The following ZNF618 variants were observed in gnomAD, a reference collection of about 807,000 sequenced individuals.
ZNF618 encodes the protein zinc finger protein 618.
A neutral mutation model predicts 103.0 loss-of-function variants in ZNF618; 34 were observed. The observed-to-expected ratio is 0.33, with a 90% CI of 0.25 to 0.44. ZNF618 has a LOEUF of 0.44. Among genes scored for constraint, ZNF618 ranks in the 20% least tolerant of loss-of-function variants. ZNF618 has a pLI of 1.00. For synonymous variants in ZNF618, 551 were observed against 542.2 expected (o/e 1.02, Z -0.23); for missense variants, 1,059 against 1,295.4 (o/e 0.82, Z 2.80).
At chr9:113,932,901 T>C (rs1833725798) in intron 1 of ZNF618, among the ~76,000 whole-genome samples, 1 of 152,146 alleles carries the variant, frequency 6.6e-6, no homozygotes, top group African/African-American at 2.4e-5. Flanking sequence ...GAATATTAAA[T>C]TGCTGGATCA....
At chr9:113,942,950 C>A (rs1834682588) in intron 1 of ZNF618, among the ~76,000 whole-genome samples, 2 of 152,142 alleles carry the variant, frequency 1.3e-5, no homozygotes. Flanking sequence ...TTTTTAGCCT[C>A]TAAGGTAACT....
At chr9:113,902,312 G>A (rs578211194) in intron 1 of ZNF618, among the ~76,000 whole-genome samples, 1 of 152,316 alleles carries the variant, frequency 6.6e-6, no homozygotes, top group East Asian at 1.9e-4. Context: ...TAAACACTCA[G>A]CACATAGTAA....
At chr9:113,934,554 C>G (rs1349519428) in intron 1 of ZNF618, among the ~76,000 whole-genome samples, 1 of 152,198 alleles carries the variant, frequency 6.6e-6, no homozygotes, top group Non-Finnish European at 1.5e-5. Context: ...GCACATCTGT[C>G]CTTACATGGG....
intron 1 of ZNF618, among the ~76,000 whole-genome samples, chr9:113,906,691 T>A (rs1379517236): frequency 6.6e-6 from 1 of 152,236 alleles, no homozygotes; most frequent in Non-Finnish European, 1.5e-5. Context: ...CCTAGCAAAG[T>A]GAGGATTCTT....
intron 13 of ZNF618, among the ~76,000 whole-genome samples, chr9:114,046,593 G>A (rs963808981): frequency 5.9e-5 from 9 of 152,220 alleles, no homozygotes; most frequent in Non-Finnish European, 1.2e-4. Flanking sequence ...GAGAGTGAGA[G>A]TGAACATTCT....
At chr9:114,003,492 A>G (rs1841447885) in intron 6 of ZNF618, among the ~76,000 whole-genome samples, 1 of 152,248 alleles carries the variant, frequency 6.6e-6, no homozygotes, top group Admixed American at 6.5e-5. Flanking sequence ...TGGAGAAGTA[A>G]GTCTAGTGAC....
At chr9:113,891,140 G>C (rs1011464842) in intron 1 of ZNF618, among the ~76,000 whole-genome samples, 1 of 152,016 alleles carries the variant, frequency 6.6e-6, no homozygotes, top group African/African-American at 2.4e-5. Context: ...TGGATTCTTC[G>C]TGTGTATGTG....
At chr9:113,995,907 G>A (rs1168684052) in intron 3 of ZNF618, among the ~76,000 whole-genome samples, 1 of 152,168 alleles carries the variant, frequency 6.6e-6, no homozygotes, top group African/African-American at 2.4e-5. Flanking sequence ...TGTTTGTAAC[G>A]TGGCACAAGG....
At chr9:114,019,731 T>A (rs1291148204) in intron 10 of ZNF618, among the ~76,000 whole-genome samples, 1 of 152,250 alleles carries the variant, frequency 6.6e-6, no homozygotes, top group East Asian at 1.9e-4. Flanking sequence ...TCTTTCTATA[T>A]TCCAGTAGGC....
At chr9:113,965,013 G>C (rs975336682) in intron 1 of ZNF618, among the ~76,000 whole-genome samples, 3 of 133,460 alleles carry the variant, frequency 2.2e-5, no homozygotes, top group South Asian at 4.7e-4. Context: ...AAAAAAAAAT[G>C]TAATCATATA....
intron 1 of ZNF618, among the ~76,000 whole-genome samples, chr9:113,925,603 C>A (rs73552388): frequency 8.2e-4 from 125 of 152,014 alleles, no homozygotes; most frequent in African/African-American, 2.8e-3. Flanking sequence ...GTCTTCCATT[C>A]TTTTTCTCCC....
At chr9:113,893,061 GCTCA>G (rs1322478761) in intron 1 of ZNF618, among the ~76,000 whole-genome samples, 1 of 152,230 alleles carries the variant, frequency 6.6e-6, no homozygotes, top group Admixed American at 6.5e-5. Context: ...TGCCTGCTGT[GCTCA>G]CTAAGTTGGG....
chr9:113,939,276 TTTTGTTTGTTG>T (rs1234787400), intron 1 of ZNF618, among the ~76,000 whole-genome samples: 4 of 151,968 alleles, frequency 2.6e-5, no homozygotes, highest in African/African-American at 9.7e-5. Flanking sequence ...TCAGTGGTTT[TTTTGTTTGTTG>T]TTTGTTTGTT....
At position 114,049,332 on chromosome 9, in the gene ZNF618, T is replaced by C; in HGVS notation, c.2030T>C (p.Leu677Pro). The change falls in exon 15 of 15, where the codon CTG (leucine) becomes CCG (proline). Residue 677 changes from leucine to proline, a missense_variant. Leu to Pro is a moderately conservative substitution (Grantham distance 98). Around this residue, in one of 6 missense-constraint regions of ZNF618, gnomAD observed 272 missense variants for 380.1 expected, o/e 0.72. Coordinates refer to ENST00000374126, the MANE Select transcript of ZNF618 (RefSeq NM_001318042.2). The stretch of plus-strand genomic sequence containing the variant: ...GAGGACCTGGCGGGCTCCACGGGCC[T>C]GGCCAAGGAGACCTTCGGGTCGCTG... ...VCEDLAGSTG[L>P]AKETFGSLEE... 1 of 1,611,552 alleles carries C rather than the reference T, an allele frequency of 6.2e-7. No individual in the cohort carries two copies. Among genetic ancestry groups the C allele is most frequent in the African/African-American group, 1.3e-5 (1 of 75,010 alleles).
At position 113,983,019 on chromosome 9, in the gene ZNF618, G is replaced by A. The variant is rs149453103; in HGVS notation, c.78-5302G>A. Among the ~76,000 whole-genome samples the A allele has an allele frequency of 4.4e-3, 665 of 152,244 alleles. 2 individuals carry two copies. Among genetic ancestry groups the A allele is most frequent in the Admixed American group, 8.0e-3 (122 of 15,298 alleles). On this transcript the variant is annotated intron_variant, in intron 2 of 14. Transcript: ENST00000374126. ...ACTCGGGTTAAATATAAAATTCATA[G>A]CATATCTTGAGCAACTATTTTGTAG... is the stretch of plus-strand genomic sequence containing the variant.
At chr9:114,029,122 T>C in intron 11 of ZNF618, 150 bp downstream of exon 11, 1 of 1,180,352 alleles carries the variant, frequency 8.5e-7, no homozygotes. Flanking sequence ...CAGCTCTGCC[T>C]CTGGCTGGCT....
chr9:114,019,401 T>C (rs563505438), intron 10 of ZNF618, among the ~76,000 whole-genome samples: 3 of 152,188 alleles, frequency 2.0e-5, no homozygotes, highest in African/African-American at 7.2e-5. Context: ...ATGTTTAACT[T>C]TTTAATAAGT....
At chr9:113,917,773 C>T (rs190162022) in intron 1 of ZNF618, among the ~76,000 whole-genome samples, 5 of 152,204 alleles carry the variant, frequency 3.3e-5, no homozygotes, top group South Asian at 2.1e-4. Context: ...ACTTTGATTT[C>T]GAAAGATTTC....
At chr9:114,008,195 A>G in intron 7 of ZNF618, 149 bp from the exon 8 acceptor site, 1 of 1,046,214 alleles carries the variant, frequency 9.6e-7, no homozygotes, top group Non-Finnish European at 1.4e-6. Context: ...GGGGGCTTCC[A>G]CAGTGGCCAC....
Sources: gnomAD v4.1 joint callset for allele counts (sites outside exome capture counted in the v4.1 genomes callset) on GRCh38, gnomAD v4.1.1 for gene constraint, gnomAD v4.1.1 regional missense constraint, MANE v1.5 for transcripts, NCBI Gene and HGNC (gene_info 2026-07-23, HGNC 2026-07-21) for gene names.